Variants in CNFN observed in about 807,000 individuals in gnomAD.
CNFN encodes cornefied envelope protein cornefilin.
Under a neutral mutation model 14.9 loss-of-function variants are expected in CNFN, and 10 were observed. The ratio of observed to expected loss-of-function variants is 0.67; its 90% CI spans 0.41 to 1.14. CNFN has a LOEUF of 1.14. Ranked by LOEUF, CNFN falls within the 50% of genes most tolerant of loss-of-function variation. The pLI, the probability that CNFN is intolerant of heterozygous loss-of-function variation, is 0.00. For synonymous variants in CNFN, 66 were observed against 60.0 expected, an observed-to-expected ratio of 1.10 and a Z score of -0.46; for missense variants, 165 against 152.8, an observed-to-expected ratio of 1.08 and a Z score of -0.42.
intron 1 of CNFN, chr19:42,389,646 GGCTGGGCTCTCAGGGGGA>G: frequency 1.7e-6 from 1 of 600,930 alleles, no homozygotes; most frequent in Non-Finnish European, 2.6e-6. Flanking sequence ...GGGCACTGGG[GGCTGGGCTCTCAGGGGGA>G]GGGGAGCTGG....
Position 42,387,470 on chromosome 19 carries a change from C to T in CNFN, c.119G>A (p.Cys40Tyr). The T allele has an allele frequency of 2.5e-6, 4 of 1,582,276 alleles. No individual in the cohort carries two copies. The highest frequency in any genetic ancestry group is 3.4e-6 in the Non-Finnish European group (4 of 1,166,616). Reference sequence around the variant, plus strand: ...AAGGCACAGAGGAGCAAAAGTGCCGCACAGACCTGGGCGGGGCGCAGGCGC... The same window carrying T: ...AAGGCACAGAGGAGCAAAAGTGCCGTACAGACCTGGGCGGGGCGCAGGCGC... ...DCCNDMPVCL[C>Y]GTFAPLCLAC... The change falls in exon 3 of 4, where the codon TGC becomes TAC. Residue 40 changes from cysteine (C) to tyrosine (Y), a missense_variant. Cys to Tyr is a radical substitution (Grantham distance 194). Transcript: ENST00000222032.
At chr19:42,389,458 A>T in intron 1 of CNFN, 1 of 1,292,132 alleles carries the variant, frequency 7.7e-7, no homozygotes, top group African/African-American at 1.5e-5. Context: ...TCCAGTACTG[A>T]GAGGGTTGCT....
rs759561616 is a variant in CNFN at position 42,387,113 on chromosome 19, C to A, written c.*40G>T. 17 of 1,603,654 alleles carry A rather than the reference C, an allele frequency of 1.1e-5. No homozygotes were observed. The East Asian group carries it at 3.1e-4, about 29-fold the overall frequency. Reference sequence around the variant, plus strand: ...AGGAGTGGCCAGAGAAGGCCAGAGGCGAGACTGGTGGAAAAGGACGGGGAA... The same window carrying A: ...AGGAGTGGCCAGAGAAGGCCAGAGGAGAGACTGGTGGAAAAGGACGGGGAA... On this transcript the variant is annotated 3_prime_UTR_variant, in exon 4 of 4. Coordinates refer to ENST00000222032, the MANE Select transcript of CNFN (RefSeq NM_032488.4).
rs1180562871 is a variant in CNFN at position 42,387,665 on chromosome 19, T to TC, written c.113-190_113-189insG. On this transcript the variant is annotated intron_variant, in intron 2 of 3. Coordinates refer to ENST00000222032, the MANE Select transcript of CNFN (RefSeq NM_032488.4). ...TGGAAGGCAGGGTTTTTCTTTTTTTTTTTTTCTTCTTTTTTTTTTTTTTTA... is the reference window on the plus strand; with the variant it reads ...TGGAAGGCAGGGTTTTTCTTTTTTTTCTTTTTCTTCTTTTTTTTTTTTTTTA... 6.9e-4 allele frequency among the ~76,000 whole-genome samples: 103 copies of TC among 148,672 alleles called. 1 individual carries two copies. Among genetic ancestry groups the TC allele is most frequent in the African/African-American group, 2.5e-3 (100 of 39,804 alleles).
intron 1 of CNFN, chr19:42,389,659 G>A (rs1258995115): frequency 2.1e-6 from 1 of 477,754 alleles, no homozygotes; most frequent in South Asian, 1.9e-5. Context: ...TGGGCTCTCA[G>A]GGGGAGGGGA....
chr19:42,389,421 G>T (rs1173317321), intron 1 of CNFN: 4 of 1,235,892 alleles, frequency 3.2e-6, no homozygotes, highest in Non-Finnish European at 4.3e-6. Flanking sequence ...CGAAGCAAGG[G>T]TGCCCAGGGG....
rs1004694982 is a variant in CNFN at position 42,389,003 on chromosome 19, G to A, written c.35C>T (p.Ala12Val). 1.9e-6 allele frequency: 3 copies of A among 1,613,884 alleles called. No individual in the cohort carries two copies. Among genetic ancestry groups the A allele is most frequent in the Admixed American group, 3.3e-5 (2 of 60,022 alleles). Residue 12 changes from alanine to valine, a missense_variant, in exon 2 of 4, where the codon GCC becomes GTC. Transcript: ENST00000222032. Reference sequence around the variant, plus strand: ...CTGGGTCTGGTAGCAGCTGGTGGTGGCGCACTGGGGCTGACTGGTCACAGG... The same window carrying A: ...CTGGGTCTGGTAGCAGCTGGTGGTGACGCACTGGGGCTGACTGGTCACAGG... ...SYPVTSQPQC[A>V]TTSCYQTQLS...
chr19:42,387,316 G>C (rs1345529782), intron 3 of CNFN, 24 bp downstream of exon 3: 4 of 1,599,314 alleles, frequency 2.5e-6, no homozygotes, highest in Middle Eastern at 1.7e-4. Flanking sequence ...CCCTGCTCCC[G>C]CGGGTCCCCA....
intron 2 of CNFN, among the ~76,000 whole-genome samples, chr19:42,387,995 C>CAAAAAAAAAAAAAA (rs755521374): frequency 2.8e-5 from 1 of 36,132 alleles, no homozygotes. Context: ...AAACAAAAAA[C>CAAAAAAAAAAAAAA]AAAACAAAAA....
chr19:42,388,815 G>A (rs938141455), intron 2 of CNFN, 111 bp downstream of exon 2: 7 of 698,650 alleles, frequency 1.0e-5, no homozygotes, highest in Non-Finnish European at 1.7e-5. Flanking sequence ...GAAGGGAGGT[G>A]GGAGTGGGGT....
intron 1 of CNFN, 58 bp from the exon 2 acceptor site, chr19:42,389,097 G>T: frequency 7.6e-7 from 1 of 1,310,412 alleles, no homozygotes; most frequent in Non-Finnish European, 1.1e-6. Context: ...CCTGGGCCCC[G>T]CACTTCGGCC....
In CNFN at chr19:42,387,362, A is replaced by C. The variant is rs767227702; in HGVS notation, c.227T>G (p.Met76Arg). 2.5e-6 allele frequency: 4 copies of C among 1,598,376 alleles called. No homozygotes were observed. Among genetic ancestry groups the C allele is most frequent in the Non-Finnish European group, 3.4e-6 (4 of 1,173,664 alleles). ...CACCTGGATGTGGTAGCGCTCCCGC[A>C]TGCCGGTGCGGATGGAGTGCAGGCC... ...PGGLHSIRTG[M>R]RERYHIQGSV... Residue 76 changes from methionine (M) to arginine (R), a missense_variant, in exon 3 of 4, where the codon ATG becomes AGG. Met to Arg is a moderately conservative substitution (Grantham distance 91, BLOSUM62 -1). Coordinates refer to ENST00000222032, the MANE Select transcript of CNFN (RefSeq NM_032488.4).
In CNFN at chr19:42,387,368, G is replaced by C; in HGVS notation, c.221C>G (p.Thr74Ser). The C allele has an allele frequency of 1.3e-6, 2 of 1,599,122 alleles. No homozygotes were observed. Among genetic ancestry groups the C allele is most frequent in the South Asian group, 2.2e-5 (2 of 89,422 alleles). Residue 74 changes from threonine to serine, a missense_variant, in exon 3 of 4, where the codon ACC becomes AGC. Coordinates refer to ENST00000222032, the MANE Select transcript of CNFN (RefSeq NM_032488.4). The stretch of plus-strand genomic sequence containing the variant: ...GATGTGGTAGCGCTCCCGCATGCCG[G>C]TGCGGATGGAGTGCAGGCCTCCGGG... ...YLPGGLHSIRTGMRERYHIQG... is the reference protein window; with the variant it reads ...YLPGGLHSIRSGMRERYHIQG...
In CNFN at chr19:42,387,409, G is replaced by A. The variant is rs1326017624; in HGVS notation, c.180C>T (p.Cys60=). ...CRISDDFGEC[C]CAPYLPGGLH... ...GGCCTCCGGGCAGGTAGGGCGCGCA[G>A]CAGCACTCGCCAAAGTCGTCGGAGA... The change falls in exon 3 of 4, where the codon TGC becomes TGT. Residue 60 remains cysteine, a synonymous_variant. Transcript: ENST00000222032. 1 of 1,602,138 alleles carries A rather than the reference G, an allele frequency of 6.2e-7. No homozygotes were observed. Among genetic ancestry groups the A allele is most frequent in the South Asian group, 1.1e-5 (1 of 89,548 alleles).
Position 42,387,332 on chromosome 19 carries a change from G to A in CNFN, c.249+8C>T, listed in dbSNP as rs1203261885. On this transcript the variant is annotated splice_region_variant and intron_variant, in intron 3 of 3. Transcript: ENST00000222032. ...CCTGCTCCCGCGGGTCCCCAGCCCG[G>A]CGCGCACCTGGATGTGGTAGCGCTC... 3 of 1,596,210 alleles carry A rather than the reference G, an allele frequency of 1.9e-6. No homozygotes were observed. Among genetic ancestry groups the A allele is most frequent in the Admixed American group, 1.8e-5 (1 of 56,964 alleles).
chr19:42,389,022 T>C lies in CNFN; in HGVS notation c.16A>G (p.Thr6Ala), dbSNP rs1266195763. 6.2e-7 allele frequency: 1 copy of C among 1,613,590 alleles called. No individual in the cohort carries two copies. The highest frequency in any genetic ancestry group is 2.2e-5 in the East Asian group (1 of 44,872). ...GTGGTGGCGCACTGGGGCTGACTGGTCACAGGGTAGGACATAGCTGCAGAG... is the reference window on the plus strand; with the variant it reads ...GTGGTGGCGCACTGGGGCTGACTGGCCACAGGGTAGGACATAGCTGCAGAG... MSYPVTSQPQCATTSC... is the reference protein window; with the variant it reads MSYPVASQPQCATTSC... Residue 6 changes from threonine to alanine, a missense_variant, in exon 2 of 4, where the codon ACC (threonine) becomes GCC (alanine). Coordinates refer to ENST00000222032, the MANE Select transcript of CNFN (RefSeq NM_032488.4).
intron 2 of CNFN, 83 bp downstream of exon 2, chr19:42,388,843 A>C: frequency 1.1e-6 from 1 of 923,208 alleles, no homozygotes; most frequent in Non-Finnish European, 1.7e-6. Flanking sequence ...CGGTGGGAGG[A>C]GGTTGGAGGT....
intron 3 of CNFN, 29 bp downstream of exon 3, chr19:42,387,311 C>T: frequency 1.2e-6 from 2 of 1,600,466 alleles, no homozygotes; most frequent in Admixed American, 1.7e-5. Flanking sequence ...CAGCTCCCTG[C>T]TCCCGCGGGT....
At chr19:42,389,617 A>T in intron 1 of CNFN, 288 of 310,212 alleles carry the variant, frequency 9.3e-4, no homozygotes, top group Middle Eastern at 1.2e-3. Flanking sequence ...GATACTGGGG[A>T]GGTGGGGGCA....
Sources: gnomAD v4.1 joint callset for allele counts (sites outside exome capture counted in the v4.1 genomes callset) on GRCh38, gnomAD v4.1.1 for gene constraint, MANE v1.5 for transcripts, NCBI Gene and HGNC (gene_info 2026-07-23, HGNC 2026-07-21) for gene names.